NRG1: variants seen among roughly 807,000 people sequenced by gnomAD.
NRG1 encodes neuregulin 1, also known as pro-neuregulin-1, membrane-bound isoform.
Under a neutral mutation model 63.8 loss-of-function variants are expected in NRG1, and 18 were observed. That is an observed-to-expected ratio of 0.28 (90% CI 0.19 to 0.42). The LOEUF is 0.42. Ranked by LOEUF, NRG1 falls within the 10% of genes least tolerant of loss-of-function variation. The pLI, the probability that NRG1 is intolerant of heterozygous loss-of-function variation, is 1.00. For missense variants in NRG1, 762 were observed against 814.7 expected (o/e 0.94, Z 0.79); for synonymous variants, 302 against 301.3 (o/e 1.00, Z -0.02).
intron 1 of NRG1, among the ~76,000 whole-genome samples, chr8:32,217,879 G>A (rs956070666): frequency 1.3e-5 from 2 of 152,126 alleles, no homozygotes; most frequent in Admixed American, 1.3e-4. Context: ...TCTGAACTAA[G>A]TCTAAAACAG....
intron 1 of NRG1, among the ~76,000 whole-genome samples, chr8:31,734,112 A>G (rs1342754313): frequency 6.6e-6 from 1 of 152,046 alleles, no homozygotes; most frequent in Non-Finnish European, 1.5e-5. Flanking sequence ...GGATTGCATG[A>G]GGTCAGGAGT....
In NRG1 at chr8:32,203,286, G is replaced by C. The variant is rs547975030; in HGVS notation, c.38-392542G>C. Among the ~76,000 whole-genome samples, 8 of 149,694 alleles carry C rather than the reference G, an allele frequency of 5.3e-5. No homozygotes were observed. In the South Asian group the frequency reaches 1.7e-3, roughly 32 times the overall value. ...CCAGAAACAGAAGAAGAAAGGAAGA[G>C]AGAAAGGAATCTACGGAGTGTGGAA... On this transcript the variant is annotated intron_variant, in intron 1 of 10. Transcript: ENST00000519301.
intron 1 of NRG1, among the ~76,000 whole-genome samples, chr8:31,817,876 T>G (rs1823608901): frequency 6.6e-6 from 1 of 152,246 alleles, no homozygotes; most frequent in South Asian, 2.1e-4. Context: ...TACCTCTTAT[T>G]TTTGAATGTA....
At chr8:32,198,781 C>T (rs944255923) in intron 1 of NRG1, among the ~76,000 whole-genome samples, 3 of 151,940 alleles carry the variant, frequency 2.0e-5, no homozygotes, top group African/African-American at 4.8e-5. Context: ...CTGTCATTTC[C>T]CCTAAACTAT....
At chr8:31,803,204 G>A (rs1163831363) in intron 1 of NRG1, among the ~76,000 whole-genome samples, 1 of 152,192 alleles carries the variant, frequency 6.6e-6, no homozygotes, top group Non-Finnish European at 1.5e-5. Context: ...TTCTCCAAAT[G>A]TTGAGATATT....
chr8:31,697,726 C>T (rs747730081), intron 1 of NRG1, among the ~76,000 whole-genome samples: 3 of 152,134 alleles, frequency 2.0e-5, no homozygotes, highest in African/African-American at 4.8e-5. Flanking sequence ...GAGTCTTCCA[C>T]GGTTTTCAGA....
chr8:32,317,362 G>A (rs999955706), intron 1 of NRG1, among the ~76,000 whole-genome samples: 1 of 150,814 alleles, frequency 6.6e-6, no homozygotes, highest in African/African-American at 2.4e-5. Context: ...GTGAATAGAT[G>A]GAGATCTACA....
chr8:32,413,707 C>T (rs1010047498), intron 1 of NRG1, among the ~76,000 whole-genome samples: 1 of 152,142 alleles, frequency 6.6e-6, no homozygotes, highest in Non-Finnish European at 1.5e-5. Flanking sequence ...TGCTGAGGAA[C>T]ATATGATTGA....
intron 1 of NRG1, among the ~76,000 whole-genome samples, chr8:31,864,156 A>C (rs1202091108): frequency 1.3e-5 from 2 of 152,156 alleles, no homozygotes; most frequent in African/African-American, 4.8e-5. Flanking sequence ...TAGTGTATTC[A>C]TTCATTTTTT....
chr8:32,184,761 T>G (rs1335806443), intron 1 of NRG1, among the ~76,000 whole-genome samples: 1 of 152,216 alleles, frequency 6.6e-6, no homozygotes, highest in Admixed American at 6.5e-5. Flanking sequence ...CAAGTAGGGA[T>G]ACAACTTAAA....
chr8:32,665,530 T>TC (rs1028588556), intron 5 of NRG1, among the ~76,000 whole-genome samples: 1 of 152,200 alleles, frequency 6.6e-6, no homozygotes, highest in African/African-American at 2.4e-5. Flanking sequence ...AATGGCATAC[T>TC]CAATTTGTAG....
intron 1 of NRG1, among the ~76,000 whole-genome samples, chr8:31,976,289 T>C (rs1808161094): frequency 6.6e-6 from 1 of 152,208 alleles, no homozygotes; most frequent in Admixed American, 6.5e-5. Flanking sequence ...AGCTGATTTC[T>C]TGTTTCCCCT....
chr8:32,100,484 C>G (rs907040539), intron 1 of NRG1, among the ~76,000 whole-genome samples: 1 of 152,050 alleles, frequency 6.6e-6, no homozygotes, highest in Non-Finnish European at 1.5e-5. Context: ...AAGTCTGTCT[C>G]CAGACCCCGT....
chr8:32,267,948 C>G (rs972493739), intron 1 of NRG1, among the ~76,000 whole-genome samples: 11 of 152,132 alleles, frequency 7.2e-5, no homozygotes, highest in Non-Finnish European at 1.3e-4. Context: ...GTATGCTTCC[C>G]CCTCTTTGAA....
chr8:31,910,879 T>A (rs1832882517), intron 1 of NRG1, among the ~76,000 whole-genome samples: 1 of 152,078 alleles, frequency 6.6e-6, no homozygotes, highest in African/African-American at 2.4e-5. Flanking sequence ...GAAAGGAGTG[T>A]TTGATTTGAA....
chr8:32,406,828 G>C (rs894935850), intron 1 of NRG1, among the ~76,000 whole-genome samples: 3 of 151,878 alleles, frequency 2.0e-5, no homozygotes, highest in Non-Finnish European at 4.4e-5. Flanking sequence ...TGTGAAATTT[G>C]TCACCAGTTT....
intron 1 of NRG1, among the ~76,000 whole-genome samples, chr8:32,474,325 T>G: frequency 6.6e-6 from 1 of 152,014 alleles, no homozygotes; most frequent in Non-Finnish European, 1.5e-5. Context: ...TTTCTGGGAG[T>G]TGGGAAACTG....
rs530241650 is a variant in NRG1 at position 32,744,179 on chromosome 8, C to T, written c.691+1446C>T. ...TCTGATGCATGCAGAGAATAAGTTT[C>T]TGTAATTCCTGTTAACATAGAAGTT... On this transcript the variant is annotated intron_variant, in intron 7 of 11. Transcript: ENST00000356819. 3.6e-4 allele frequency among the ~76,000 whole-genome samples: 55 copies of T among 152,208 alleles called. No homozygotes were observed. The South Asian group carries it at 7.2e-3, about 20-fold the overall frequency.
At chr8:32,062,374 A>C (rs13272137) in intron 1 of NRG1, among the ~76,000 whole-genome samples, 93,447 of 151,902 alleles carry the variant, frequency 0.62, 30,117 homozygotes, top group Non-Finnish European at 0.71. Context: ...AGTATATTAA[A>C]TTTTTTTTCA....
Sources: gnomAD v4.1 joint callset for allele counts (sites outside exome capture counted in the v4.1 genomes callset) on GRCh38, gnomAD v4.1.1 for gene constraint, MANE v1.5 for transcripts, NCBI Gene and HGNC (gene_info 2026-07-23, HGNC 2026-07-21) for gene names.